The following PXDN variants were observed in gnomAD, a reference collection of about 807,000 sequenced individuals.
The protein encoded by PXDN is peroxidasin.
In PXDN, 77 loss-of-function variants were observed where a neutral mutation model predicts 140.3. That is an observed-to-expected ratio of 0.55 (90% CI 0.46 to 0.66). The LOEUF (loss-of-function observed/expected upper bound fraction) is 0.66. PXDN is among the 30% of genes least tolerant of loss of function. The pLI, the probability that PXDN is intolerant of heterozygous loss-of-function variation, is 0.00. For synonymous variants in PXDN, 911 were observed against 857.4 expected, an observed-to-expected ratio of 1.06 and a Z score of -1.09; for missense variants, 1,838 against 2,039.5, an observed-to-expected ratio of 0.90 and a Z score of 1.90.
chr2:1,638,315 G>A (rs915867502), intron 21 of PXDN, among the ~76,000 whole-genome samples: 3 of 152,092 alleles, frequency 2.0e-5, no homozygotes, highest in African/African-American at 7.2e-5. Flanking sequence ...AAGTTCCTGG[G>A]ATAGGAAGGA....
chr2:1,649,374 C>T lies in PXDN; in HGVS notation c.2406G>A (p.Leu802=), dbSNP rs1682954829. ...CGGGTGTGACGGTCTCCGTCCCGAT[C>T]AGGGTGGTGGACACCAGGCGCGGCA... ...LPMPRLVSTT[L]IGTETVTPDE... Residue 802 remains leucine, a synonymous_variant, in exon 17 of 23, where the codon CTG becomes CTA. Transcript: ENST00000252804. The surrounding 1 kb of genome is among the most constrained non-coding windows in gnomAD (Gnocchi z 7.1). 2 of 1,613,970 alleles carry T rather than the reference C, an allele frequency of 1.2e-6. No individual in the cohort carries two copies. The highest frequency in any genetic ancestry group is 1.3e-5 in the African/African-American group (1 of 75,044).
chr2:1,683,355 G>A (rs1007731361), intron 6 of PXDN, among the ~76,000 whole-genome samples: 2 of 148,658 alleles, frequency 1.3e-5, no homozygotes, highest in African/African-American at 4.9e-5. Flanking sequence ...GGTTGAGGCT[G>A]CAGTGAGCTG....
intron 1 of PXDN, among the ~76,000 whole-genome samples, chr2:1,707,936 G>C (rs532263555): frequency 6.6e-6 from 1 of 151,958 alleles, no homozygotes; most frequent in African/African-American, 2.4e-5. Flanking sequence ...TTAAGGCACT[G>C]GAAAGTTACA....
intron 9 of PXDN, chr2:1,672,359 G>T (rs1261823337): frequency 6.6e-6 from 1 of 152,214 alleles, no homozygotes; most frequent in Admixed American, 6.5e-5. Context: ...CTCCTAAGTA[G>T]TTCATTACTC....
At chr2:1,677,130 C>A in intron 7 of PXDN, 86 bp from the exon 8 acceptor site, 1 of 1,215,878 alleles carries the variant, frequency 8.2e-7, no homozygotes, top group Middle Eastern at 2.0e-4. Flanking sequence ...TCTCTGTGTC[C>A]AAAAGGAAAC....
chr2:1,663,099 T>C (rs935184538), intron 12 of PXDN, among the ~76,000 whole-genome samples: 4 of 152,128 alleles, frequency 2.6e-5, no homozygotes, highest in African/African-American at 7.2e-5. Context: ...ATTCTTCTCA[T>C]TGGAGAGAAC....
intron 1 of PXDN, among the ~76,000 whole-genome samples, chr2:1,711,469 CCCG>C (rs1558521368): frequency 1.4e-4 from 12 of 84,782 alleles, no homozygotes; most frequent in South Asian, 9.0e-4. Context: ...TCCACCAGCA[CCCG>C]CTCCACCAGC....
intron 8 of PXDN, 69 bp downstream of exon 8, chr2:1,676,858 G>A (rs1683730245): frequency 1.4e-6 from 2 of 1,408,036 alleles, no homozygotes; most frequent in Non-Finnish European, 2.0e-6. Flanking sequence ...GGGGAGTGAG[G>A]TGTGGTTTGG....
intron 6 of PXDN, among the ~76,000 whole-genome samples, chr2:1,681,749 G>GCC (rs1222793959): frequency 6.6e-6 from 1 of 152,194 alleles, no homozygotes; most frequent in Non-Finnish European, 1.5e-5. Context: ...CCCAACCTGT[G>GCC]CCCACAGCTG....
intron 1 of PXDN, among the ~76,000 whole-genome samples, chr2:1,705,951 TC>T (rs140748329): frequency 0.056 from 8,464 of 151,990 alleles, 776 homozygotes; most frequent in African/African-American, 0.19. Context: ...CATTACGGCC[TC>T]CCCCAGGCAC....
intron 9 of PXDN, among the ~76,000 whole-genome samples, chr2:1,672,945 C>T (rs566996311): frequency 4.6e-5 from 7 of 152,290 alleles, no homozygotes; most frequent in Non-Finnish European, 7.4e-5. Context: ...CTGCACAGGA[C>T]GACAGGCAGA....
At position 1,638,930 on chromosome 2, in the gene PXDN, G is replaced by A. The variant is rs1177975987; in HGVS notation, c.4122C>T (p.Ser1374=). ...EHLSNSTSAF[S]TRSDASGTND... ...TTGTCCCAGATGCATCTGAGCGTGTGCTGAAGGCTGAGGTGCTGTTGCTGA... is the reference window on the plus strand; with the variant it reads ...TTGTCCCAGATGCATCTGAGCGTGTACTGAAGGCTGAGGTGCTGTTGCTGA... The change falls in exon 21 of 23, where the codon AGC becomes AGT. Residue 1374 remains serine (S), a synonymous_variant. Coordinates refer to ENST00000252804, the MANE Select transcript of PXDN (RefSeq NM_012293.3). 2 of 1,613,990 alleles carry A rather than the reference G, an allele frequency of 1.2e-6. No individual in the cohort carries two copies. The highest frequency in any genetic ancestry group is 8.5e-7 in the Non-Finnish European group (1 of 1,179,864).
At chr2:1,737,090 A>G (rs899774063) in intron 1 of PXDN, among the ~76,000 whole-genome samples, 9 of 152,194 alleles carry the variant, frequency 5.9e-5, no homozygotes, top group Non-Finnish European at 8.8e-5. Flanking sequence ...TCAGACGTGC[A>G]GGGCATCTGG....
intron 5 of PXDN, 23 bp from the exon 6 acceptor site, chr2:1,683,750 A>G: frequency 2.6e-6 from 4 of 1,555,576 alleles, no homozygotes; most frequent in Non-Finnish European, 3.5e-6. Flanking sequence ...ATTTTATAAC[A>G]AACCAATTTT....
chr2:1,700,638 C>T (rs947350288), intron 1 of PXDN, among the ~76,000 whole-genome samples: 4 of 151,958 alleles, frequency 2.6e-5, no homozygotes, highest in African/African-American at 2.4e-5. Context: ...CAGTGGGAGG[C>T]GGAGGTGGGT....
Position 1,685,674 on chromosome 2 carries a change from C to T in PXDN, c.417-1523G>A, listed in dbSNP as rs1424131645. Among the ~76,000 whole-genome samples the T allele has an allele frequency of 6.6e-6, 1 of 152,132 alleles. No individual in the cohort carries two copies. Among genetic ancestry groups the T allele is most frequent in the Non-Finnish European group, 1.5e-5 (1 of 68,024 alleles). ...AGCGATGGGTGTAAAAATCCCTCCA[C>T]CCAGACTGCAATGCAGGTTGGCCAG... On this transcript the variant is annotated intron_variant, in intron 4 of 22. Coordinates refer to ENST00000252804, the MANE Select transcript of PXDN (RefSeq NM_012293.3). This position sits in a 1 kb window ranked among gnomAD's most constrained non-coding sequence, Gnocchi z 5.1.
intron 19 of PXDN, among the ~76,000 whole-genome samples, chr2:1,641,687 C>T (rs1682731179): frequency 6.6e-6 from 1 of 152,222 alleles, no homozygotes. Flanking sequence ...GCTTCAGCAG[C>T]TAAGCCTCTC....
intron 9 of PXDN, among the ~76,000 whole-genome samples, chr2:1,671,820 C>T (rs898373696): frequency 2.0e-5 from 3 of 152,160 alleles, no homozygotes; most frequent in African/African-American, 7.2e-5. Context: ...TTTTGAAGGC[C>T]ACACAGGTTT....
chr2:1,705,702 ATGCAGGG>A (rs763090190), intron 1 of PXDN, among the ~76,000 whole-genome samples: 3 of 142,362 alleles, frequency 2.1e-5, no homozygotes, highest in Admixed American at 7.0e-5. Flanking sequence ...GTGACCTGGG[ATGCAGGG>A]TGCAGGGTGC....
Sources: gnomAD v4.1 joint callset for allele counts (sites outside exome capture counted in the v4.1 genomes callset) on GRCh38, gnomAD v4.1.1 for gene constraint, Gnocchi (gnomAD v3.1) non-coding constraint, MANE v1.5 for transcripts, NCBI Gene and HGNC (gene_info 2026-07-23, HGNC 2026-07-21) for gene names.